LINGO2: variants seen among roughly 807,000 people sequenced by gnomAD.
LINGO2 encodes leucine-rich repeat and immunoglobulin-like domain-containing nogo receptor-interacting protein 2.
A neutral mutation model predicts 30.6 loss-of-function variants in LINGO2; 14 were observed. The observed-to-expected ratio is 0.46, with a 90% confidence interval of 0.30 to 0.72. The LOEUF is 0.72. LINGO2 is among the 30% of genes least tolerant of loss of function. LINGO2 has a pLI of 0.07. For synonymous variants in LINGO2, 317 were observed against 288.5 expected (o/e 1.10, Z -1.00); for missense variants, 729 against 751.7 (o/e 0.97, Z 0.35).
the LINGO2 span, among the ~76,000 whole-genome samples, chr9:29,143,315 A>C: frequency 3.3e-5 from 5 of 152,096 alleles, 1 homozygote; most frequent in Non-Finnish European, 7.4e-5. Context: ...AATGGAAAAA[A>C]ATTCTACAAT....
chr9:28,724,274 C>T, the LINGO2 span, among the ~76,000 whole-genome samples: 143 of 152,202 alleles, frequency 9.4e-4, no homozygotes, highest in South Asian at 4.8e-3. Flanking sequence ...GTTTACACCC[C>T]CATGAGACAC....
At chr9:29,095,468 G>C in the LINGO2 span, among the ~76,000 whole-genome samples, 204 of 137,880 alleles carry the variant, frequency 1.5e-3, 55 homozygotes, top group East Asian at 0.041. Context: ...CAAAACACCT[G>C]AAACACAATA....
the LINGO2 span, among the ~76,000 whole-genome samples, chr9:28,796,432 T>A: frequency 2.0e-5 from 3 of 152,114 alleles, no homozygotes; most frequent in African/African-American, 7.2e-5. Flanking sequence ...GAATTTGATA[T>A]TTATATTAAA....
At chr9:28,090,888 G>A (rs534080504) in intron 4 of LINGO2, among the ~76,000 whole-genome samples, 4 of 152,166 alleles carry the variant, frequency 2.6e-5, no homozygotes, top group East Asian at 1.9e-4. Flanking sequence ...AAATCAATGT[G>A]CAAAAATCAC....
intron 4 of LINGO2, among the ~76,000 whole-genome samples, chr9:28,127,527 G>C (rs1339495425): frequency 6.6e-6 from 1 of 152,168 alleles, no homozygotes; most frequent in African/African-American, 2.4e-5. Context: ...AAACAAGCAA[G>C]TGCATCCTTC....
At chr9:28,924,367 C>T in the LINGO2 span, among the ~76,000 whole-genome samples, 4 of 152,046 alleles carry the variant, frequency 2.6e-5, no homozygotes, top group African/African-American at 4.8e-5. Context: ...ACCACAGACC[C>T]GCACCACCAT....
chr9:29,140,257 C>G, the LINGO2 span, among the ~76,000 whole-genome samples: 2 of 151,848 alleles, frequency 1.3e-5, no homozygotes, highest in Non-Finnish European at 1.5e-5. Flanking sequence ...TATGAATTAT[C>G]TAACAAAGGA....
chr9:28,961,997 C>T, the LINGO2 span, among the ~76,000 whole-genome samples: 1 of 152,106 alleles, frequency 6.6e-6, no homozygotes, highest in Non-Finnish European at 1.5e-5. Flanking sequence ...CTTTTCCAAG[C>T]TCTTATTTAA....
the LINGO2 span, among the ~76,000 whole-genome samples, chr9:28,873,457 T>G: frequency 6.6e-6 from 1 of 151,696 alleles, no homozygotes; most frequent in African/African-American, 2.4e-5. Context: ...TTCAAGAAAG[T>G]TTTGACTAAA....
At chr9:28,390,197 G>C (rs10812796) in intron 2 of LINGO2, among the ~76,000 whole-genome samples, 1 of 151,910 alleles carries the variant, frequency 6.6e-6, no homozygotes, top group Non-Finnish European at 1.5e-5. Context: ...GCCTTCTGCT[G>C]TACGATGCTA....
intron 4 of LINGO2, among the ~76,000 whole-genome samples, chr9:28,123,283 A>T (rs1827149549): frequency 6.6e-6 from 1 of 152,256 alleles, no homozygotes; most frequent in Non-Finnish European, 1.5e-5. Context: ...AATTAATAAA[A>T]TATGAAGAAA....
At chr9:29,122,103 T>G in the LINGO2 span, among the ~76,000 whole-genome samples, 1 of 151,712 alleles carries the variant, frequency 6.6e-6, no homozygotes, top group African/African-American at 2.4e-5. Flanking sequence ...TAAGCAAAAC[T>G]AACAAATTAC....
At chr9:28,559,404 T>G (rs1231534756) in intron 1 of LINGO2, among the ~76,000 whole-genome samples, 1 of 152,130 alleles carries the variant, frequency 6.6e-6, no homozygotes, top group Non-Finnish European at 1.5e-5. Context: ...CATTTTGTTT[T>G]GTCTCTCTCC....
At chr9:28,571,330 A>C (rs562329776) in intron 1 of LINGO2, among the ~76,000 whole-genome samples, 2 of 152,208 alleles carry the variant, frequency 1.3e-5, no homozygotes, top group South Asian at 2.1e-4. Flanking sequence ...AAGAGCTTGT[A>C]AGTTTAGTAA....
At chr9:29,136,816 G>A in the LINGO2 span, among the ~76,000 whole-genome samples, 2 of 152,044 alleles carry the variant, frequency 1.3e-5, no homozygotes, top group African/African-American at 4.8e-5. Flanking sequence ...AAATACAACT[G>A]CTCATTTGAT....
intron 3 of LINGO2, among the ~76,000 whole-genome samples, chr9:28,330,634 T>C (rs945599208): frequency 3.9e-5 from 6 of 152,150 alleles, no homozygotes; most frequent in Admixed American, 3.3e-4. Flanking sequence ...AACACTTGAT[T>C]CACCCAAAAT....
chr9:28,203,951 C>A (rs1400575626), intron 4 of LINGO2, among the ~76,000 whole-genome samples: 2 of 152,116 alleles, frequency 1.3e-5, no homozygotes, highest in African/African-American at 4.8e-5. Flanking sequence ...TTCCTCAGAG[C>A]CTTTCCTATT....
intron 2 of LINGO2, among the ~76,000 whole-genome samples, chr9:28,424,902 G>T (rs973486704): frequency 6.6e-6 from 1 of 152,004 alleles, no homozygotes; most frequent in Non-Finnish European, 1.5e-5. Context: ...CCATACAGTG[G>T]TTCATTGGTC....
chr9:28,904,267 T>G, the LINGO2 span, among the ~76,000 whole-genome samples: 1 of 152,146 alleles, frequency 6.6e-6, no homozygotes, highest in East Asian at 1.9e-4. Context: ...TAACACTTAA[T>G]GTTGAAAAGT....
Sources: allele counts gnomAD v4.1 joint callset (sites outside exome capture counted in the v4.1 genomes callset), GRCh38; gene constraint gnomAD v4.1.1; transcripts MANE v1.5; gene names NCBI Gene and HGNC (gene_info 2026-07-23, HGNC 2026-07-21).